Variants in PLXDC2 observed in about 807,000 individuals in gnomAD.
PLXDC2 encodes the protein plexin domain containing 2.
In PLXDC2, 40 loss-of-function variants were observed where a neutral mutation model predicts 68.9. That is an observed-to-expected ratio of 0.58 (90% confidence interval 0.45 to 0.76). The LOEUF (loss-of-function observed/expected upper bound fraction) is 0.76, where lower values mean the gene tolerates loss of function less well. PLXDC2 is among the 30% of genes least tolerant of loss of function. The probability of loss-of-function intolerance (pLI) is 0.00; values close to 1 mark genes in which losing one functional copy is unlikely to be tolerated. For missense variants in PLXDC2, 644 were observed against 661.9 expected, an observed-to-expected ratio of 0.97 and a Z score of 0.30; for synonymous variants, 243 against 234.2, an observed-to-expected ratio of 1.04 and a Z score of -0.34.
chr10:19,852,549 G>A (rs926457844), intron 1 of PLXDC2, among the ~76,000 whole-genome samples: 3 of 146,770 alleles, frequency 2.0e-5, no homozygotes, highest in Non-Finnish European at 3.0e-5. Flanking sequence ...TGAAAAATGA[G>A]AAATACAAAT....
At chr10:19,845,204 C>T (rs769139551) in intron 1 of PLXDC2, among the ~76,000 whole-genome samples, 2 of 152,124 alleles carry the variant, frequency 1.3e-5, no homozygotes, top group Non-Finnish European at 2.9e-5. Flanking sequence ...ATTCTCACCA[C>T]GTGTGCCATA....
chr10:20,278,528 C>T (rs1836038483), intron 13 of PLXDC2, among the ~76,000 whole-genome samples: 1 of 152,068 alleles, frequency 6.6e-6, no homozygotes, highest in Admixed American at 6.6e-5. Flanking sequence ...CTTAATGGAA[C>T]TTAATCAGCA....
intron 1 of PLXDC2, among the ~76,000 whole-genome samples, chr10:19,945,528 GT>G (rs1196289702): frequency 6.6e-6 from 1 of 152,184 alleles, no homozygotes; most frequent in South Asian, 2.1e-4. Flanking sequence ...CTTGGCCTTG[GT>G]TTTTTATTCT....
intron 4 of PLXDC2, among the ~76,000 whole-genome samples, chr10:20,086,362 A>ATT (rs143204606): frequency 9.3e-4 from 137 of 147,514 alleles, no homozygotes; most frequent in African/African-American, 3.1e-3. Flanking sequence ...TTATTTTTTA[A>ATT]TTTTTTTTTT....
At chr10:20,123,350 A>T (rs1833725841) in intron 4 of PLXDC2, among the ~76,000 whole-genome samples, 1 of 152,082 alleles carries the variant, frequency 6.6e-6, no homozygotes, top group South Asian at 2.1e-4. Context: ...TTGCATTGGG[A>T]ACAGAGACTA....
rs375396974 is a variant in PLXDC2, at chr10:19,899,330, C to T, written c.112+82139C>T. ...AATAAGAATAAGTTATCATAAGGTC[C>T]GATTTCTTTCCCAACCAGGTAGTTT... On this transcript the variant is annotated intron_variant, in intron 1 of 13. Transcript: ENST00000377252. Among the ~76,000 whole-genome samples the T allele has an allele frequency of 3.9e-5, 6 of 152,212 alleles. No individual in the cohort carries two copies. The East Asian group carries it at 5.8e-4, about 15-fold the overall frequency.
chr10:20,277,660 C>T (rs1024775187), intron 13 of PLXDC2, among the ~76,000 whole-genome samples: 5 of 152,042 alleles, frequency 3.3e-5, no homozygotes, highest in Admixed American at 1.3e-4. Context: ...CTTTGCTTGG[C>T]GTTGTTATGA....
intron 9 of PLXDC2, among the ~76,000 whole-genome samples, chr10:20,177,683 T>A (rs34150429): frequency 0.016 from 2,390 of 151,500 alleles, 63 homozygotes; most frequent in African/African-American, 0.054. Flanking sequence ...AGCAGGAGGA[T>A]CACTTGAGCC....
chr10:20,126,834 A>ATATGTGTGT (rs1833797858), intron 4 of PLXDC2, among the ~76,000 whole-genome samples: 1 of 125,148 alleles, frequency 8.0e-6, no homozygotes, highest in African/African-American at 2.8e-5. Flanking sequence ...GTGTATATAT[A>ATATGTGTGT]ATATATGATA....
At chr10:20,133,564 C>G (rs1398490585) in intron 4 of PLXDC2, among the ~76,000 whole-genome samples, 2 of 152,028 alleles carry the variant, frequency 1.3e-5, no homozygotes, top group African/African-American at 2.4e-5. Flanking sequence ...TGAGAAACAC[C>G]CTGGTAGCCT....
intron 1 of PLXDC2, among the ~76,000 whole-genome samples, chr10:19,830,031 T>G (rs1836658406): frequency 6.6e-6 from 1 of 152,200 alleles, no homozygotes; most frequent in Admixed American, 6.5e-5. Context: ...AATTGTCTGA[T>G]AAAATATTAA....
rs1186144530 is a variant in PLXDC2, at chr10:20,187,769, A to G, written c.1061+10360A>G. 3.3e-5 allele frequency among the ~76,000 whole-genome samples: 5 copies of G among 151,968 alleles called. 1 individual carries two copies. Among genetic ancestry groups the G allele is most frequent in the African/African-American group, 1.2e-4 (5 of 41,434 alleles). On this transcript the variant is annotated intron_variant, in intron 9 of 13. Transcript: ENST00000377252. ...GGGGGATAGCTTTTAACAAAAGTGA[A>G]AAATCAGAATCGATCTCGATGACAC...
intron 1 of PLXDC2, among the ~76,000 whole-genome samples, chr10:19,987,717 AC>A (rs1272073052): frequency 1.3e-5 from 2 of 149,728 alleles, no homozygotes; most frequent in Admixed American, 1.3e-4. Flanking sequence ...GCCCGCCACC[AC>A]CCCCGGCTAT....
chr10:20,138,020 A>T (rs1833956382), intron 4 of PLXDC2, among the ~76,000 whole-genome samples: 1 of 152,206 alleles, frequency 6.6e-6, no homozygotes, highest in African/African-American at 2.4e-5. Context: ...GAATCAAAAT[A>T]ACTGGATAAA....
intron 1 of PLXDC2, among the ~76,000 whole-genome samples, chr10:19,968,315 C>T (rs575645063): frequency 2.2e-4 from 34 of 152,184 alleles, no homozygotes; most frequent in African/African-American, 7.2e-4. Context: ...TCCTTCATTG[C>T]TTTTTTGTTG....
At chr10:20,216,672 T>A (rs1194227152) in intron 10 of PLXDC2, among the ~76,000 whole-genome samples, 1 of 152,212 alleles carries the variant, frequency 6.6e-6, no homozygotes, top group Non-Finnish European at 1.5e-5. Context: ...GGGAGTCCAC[T>A]GCGGCACAAA....
chr10:20,173,368 T>G (rs1482820257), intron 7 of PLXDC2, among the ~76,000 whole-genome samples: 1 of 152,166 alleles, frequency 6.6e-6, no homozygotes, highest in Non-Finnish European at 1.5e-5. Flanking sequence ...ATAGTCTCTG[T>G]GTGAATGTTA....
chr10:19,852,657 G>A (rs1425817005), intron 1 of PLXDC2, among the ~76,000 whole-genome samples: 2 of 152,024 alleles, frequency 1.3e-5, no homozygotes, highest in Admixed American at 6.6e-5. Flanking sequence ...ATATGCAAAT[G>A]ATGGATAATC....
chr10:20,075,130 C>G (rs1836416865), intron 4 of PLXDC2, among the ~76,000 whole-genome samples: 1 of 152,156 alleles, frequency 6.6e-6, no homozygotes, highest in Non-Finnish European at 1.5e-5. Context: ...TGATAACTTA[C>G]TCCTCCCTCA....
Sources: allele counts gnomAD v4.1 joint callset (sites outside exome capture counted in the v4.1 genomes callset), GRCh38; gene constraint gnomAD v4.1.1; transcripts MANE v1.5; gene names NCBI Gene and HGNC (gene_info 2026-07-23, HGNC 2026-07-21).